Variants in MARVELD2 observed in about 807,000 individuals in gnomAD.
MARVELD2 encodes the protein MARVEL domain containing 2, also known as MARVEL domain-containing protein 2.
MARVELD2 carries 49 observed loss-of-function variants against 57.6 expected under a neutral mutation model. The ratio of observed to expected loss-of-function variants is 0.85; its 90% CI spans 0.68 to 1.08. The LOEUF is 1.08. Among genes scored for constraint, MARVELD2 ranks in the 50% least tolerant of loss-of-function variants. The pLI is 0.00. For missense variants in MARVELD2, 606 were observed against 701.1 expected (o/e 0.86, Z 1.53); for synonymous variants, 238 against 258.8 (o/e 0.92, Z 0.77).
rs148416461 is a variant in MARVELD2, at chr5:69,420,335, G to A, written c.950G>A (p.Arg317Gln). The A allele has an allele frequency of 1.4e-4, 225 of 1,614,164 alleles. No homozygotes were observed. The highest frequency in any genetic ancestry group is 4.0e-4 in the South Asian group (36 of 91,080). ...ATAGTCTATGTGAATGATACCAACC[G>A]AGGTGGCCTCTGCTACTATCCGTTA... ...AAIVYVNDTN[R>Q]GGLCYYPLFN... The change falls in exon 2 of 7, where the codon CGA becomes CAA. Residue 317 changes from arginine to glutamine, a missense_variant. Transcript: ENST00000325631.
chr5:69,419,541 A>G lies in MARVELD2; in HGVS notation c.156A>G (p.Pro52=), dbSNP rs138816138. ...SADPLPPPPL[P]LQPPFGPDFY... Reference sequence around the variant, plus strand: ...ATCCCTTGCCACCACCCCCTCTCCCATTACAGCCACCATTCGGCCCAGACT... The same window carrying G: ...ATCCCTTGCCACCACCCCCTCTCCCGTTACAGCCACCATTCGGCCCAGACT... Residue 52 remains proline, a synonymous_variant, in exon 2 of 7, where the codon CCA becomes CCG. Transcript: ENST00000325631. 3.7e-5 allele frequency: 60 copies of G among 1,614,000 alleles called. No homozygotes were observed. The Admixed American group carries it at 9.8e-4, about 26-fold the overall frequency.
chr5:69,422,235 C>T (rs562694128), intron 2 of MARVELD2, among the ~76,000 whole-genome samples: 1 of 152,320 alleles, frequency 6.6e-6, no homozygotes, highest in East Asian at 1.9e-4. Context: ...CAGCAATGTT[C>T]AGGGAACAAG....
At chr5:69,438,602 A>C (rs1313219838) in intron 5 of MARVELD2, among the ~76,000 whole-genome samples, 1 of 152,024 alleles carries the variant, frequency 6.6e-6, no homozygotes, top group Non-Finnish European at 1.5e-5. Flanking sequence ...AGTAAAAGTT[A>C]GCGGCCGGTC....
At chr5:69,428,968 C>G (rs1032687302) in intron 3 of MARVELD2, among the ~76,000 whole-genome samples, 2 of 152,184 alleles carry the variant, frequency 1.3e-5, no homozygotes, top group Non-Finnish European at 2.9e-5. Flanking sequence ...TATAGGAATT[C>G]ATTAGGATGA....
At chr5:69,433,218 A>G in intron 5 of MARVELD2, 125 bp downstream of exon 5, 2 of 969,998 alleles carry the variant, frequency 2.1e-6, no homozygotes, top group Non-Finnish European at 3.0e-6. Context: ...GCTGGAGTGC[A>G]GTGGCACAAT....
intron 3 of MARVELD2, among the ~76,000 whole-genome samples, chr5:69,430,743 AG>A (rs1264372919): frequency 6.6e-6 from 1 of 151,854 alleles, no homozygotes; most frequent in Non-Finnish European, 1.5e-5. Flanking sequence ...CATGTTGGCC[AG>A]GCTGGTCTTG....
At chr5:69,425,466 G>C (rs1042905547) in intron 3 of MARVELD2, among the ~76,000 whole-genome samples, 1 of 149,132 alleles carries the variant, frequency 6.7e-6, no homozygotes, top group Non-Finnish European at 1.5e-5. Context: ...TTAGGACTTT[G>C]AGCTTTTTTC....
intron 3 of MARVELD2, among the ~76,000 whole-genome samples, chr5:69,425,954 G>A (rs1766778174): frequency 6.6e-6 from 1 of 151,776 alleles, no homozygotes; most frequent in African/African-American, 2.4e-5. Context: ...CACGAGGTCA[G>A]GATGTTCTCG....
chr5:69,439,522 G>C (rs1767263256), intron 5 of MARVELD2, among the ~76,000 whole-genome samples: 1 of 151,896 alleles, frequency 6.6e-6, no homozygotes, highest in Non-Finnish European at 1.5e-5. Flanking sequence ...GGGAGGCCAA[G>C]GTGGGTGGAT....
intron 1 of MARVELD2, among the ~76,000 whole-genome samples, chr5:69,416,627 G>A (rs1766436871): frequency 6.6e-6 from 1 of 152,222 alleles, no homozygotes. Context: ...AGTATGGGGA[G>A]TATAAATGAA....
intron 3 of MARVELD2, among the ~76,000 whole-genome samples, chr5:69,430,158 A>G (rs989585275): frequency 3.2e-4 from 48 of 152,056 alleles, no homozygotes; most frequent in African/African-American, 1.2e-3. Context: ...GCCTGAGCTC[A>G]GAAGTTTGAG....
chr5:69,415,413 C>T (rs943989109), intron 1 of MARVELD2: 3 of 152,232 alleles, frequency 2.0e-5, no homozygotes, highest in South Asian at 2.1e-4. Context: ...GGGGCGATCT[C>T]GGTGCTCCTT....
intron 1 of MARVELD2, among the ~76,000 whole-genome samples, chr5:69,417,993 A>C (rs1394829602): frequency 1.3e-5 from 2 of 151,790 alleles, no homozygotes; most frequent in Non-Finnish European, 2.9e-5. Flanking sequence ...CTGTAGTCCC[A>C]GCTACTCAGG....
At position 69,420,420 on chromosome 5, in the gene MARVELD2, G is replaced by C. The variant is rs1282154998; in HGVS notation, c.1035G>C (p.Met345Ile). The C allele has an allele frequency of 6.2e-7, 1 of 1,613,938 alleles. No homozygotes were observed. Among genetic ancestry groups the C allele is most frequent in the East Asian group, 2.2e-5 (1 of 44,880 alleles). ...TAGAAGGAGGACAGATAGCTGCAAT[G>C]ATCTTCCTGTTTGTCACCATGATAG... ...CRVEGGQIAA[M>I]IFLFVTMIVY... The change falls in exon 2 of 7, where the codon ATG becomes ATC. Residue 345 changes from methionine (M) to isoleucine (I), a missense_variant. Transcript: ENST00000325631.
Position 69,442,283 on chromosome 5 carries a change from C to T in MARVELD2, c.*629C>T, listed in dbSNP as rs1031543768. On this transcript the variant is annotated 3_prime_UTR_variant, in exon 7 of 7. Coordinates refer to ENST00000325631, the MANE Select transcript of MARVELD2 (RefSeq NM_001038603.3). ...GATTTTTCTGGGACAAATTTCTCTT[C>T]CTAGAGAAATTCCTAGGGGATTTCT... is the stretch of plus-strand genomic sequence containing the variant. 6 of 152,128 alleles carry T rather than the reference C, an allele frequency of 3.9e-5. No individual in the cohort carries two copies. Among genetic ancestry groups the T allele is most frequent in the African/African-American group, 1.4e-4 (6 of 41,416 alleles). 9.4% of individuals were successfully genotyped at this position (152,128 alleles called of 1,614,324 possible).
chr5:69,416,650 A>G (rs1766437859), intron 1 of MARVELD2, among the ~76,000 whole-genome samples: 1 of 152,272 alleles, frequency 6.6e-6, no homozygotes, highest in Non-Finnish European at 1.5e-5. Flanking sequence ...AAGTTTGGCC[A>G]TAAATCGATA....
chr5:69,415,920 A>T (rs1766398073), intron 1 of MARVELD2, among the ~76,000 whole-genome samples: 1 of 152,270 alleles, frequency 6.6e-6, no homozygotes, highest in Non-Finnish European at 1.5e-5. Context: ...TCTCAGTGAC[A>T]TCTTGAAAGA....
At position 69,421,793 on chromosome 5, in the gene MARVELD2, T is replaced by C. The variant is rs574886014; in HGVS notation, c.1146+1262T>C. ...TTGGTTTTTTTAATTTTCTTTTCTT[T>C]CTTTTTTTTTTTTTTTTTGAGACAG... is the stretch of plus-strand genomic sequence containing the variant. On this transcript the variant is annotated intron_variant, in intron 2 of 6. Coordinates refer to ENST00000325631, the MANE Select transcript of MARVELD2 (RefSeq NM_001038603.3). 2.0e-5 allele frequency among the ~76,000 whole-genome samples: 3 copies of C among 148,604 alleles called. No homozygotes were observed. In the East Asian group the frequency reaches 6.0e-4, roughly 29 times the overall value.
chr5:69,430,085 T>C (rs115461810), intron 3 of MARVELD2, among the ~76,000 whole-genome samples: 105 of 150,688 alleles, frequency 7.0e-4, no homozygotes, highest in Non-Finnish European at 1.3e-3. Context: ...TTTTATTTTT[T>C]GGCCAGGCAC....
Sources: gnomAD v4.1 joint callset for allele counts (sites outside exome capture counted in the v4.1 genomes callset) on GRCh38, gnomAD v4.1.1 for gene constraint, MANE v1.5 for transcripts, NCBI Gene and HGNC (gene_info 2026-07-23, HGNC 2026-07-21) for gene names.